Variants in PKHD1 observed in about 807,000 individuals in gnomAD.
PKHD1 encodes the protein PKHD1 ciliary IPT domain containing fibrocystin/polyductin.
In PKHD1, 291 loss-of-function variants were observed where a neutral mutation model predicts 412.0. The observed-to-expected ratio is 0.71, with a 90% CI of 0.64 to 0.78. The LOEUF (loss-of-function observed/expected upper bound fraction) is 0.78, where lower values mean the gene tolerates loss of function less well. Among genes scored for constraint, PKHD1 ranks in the 30% least tolerant of loss-of-function variants. The pLI is 0.00. For synonymous variants in PKHD1, 1,777 were observed against 1,821.5 expected (o/e 0.98, Z 0.62); for missense variants, 4,825 against 4,950.7 (o/e 0.97, Z 0.76).
intron 43 of PKHD1, among the ~76,000 whole-genome samples, chr6:51,896,000 C>T (rs1268882320): frequency 2.0e-5 from 3 of 152,178 alleles, no homozygotes; most frequent in African/African-American, 4.8e-5. Flanking sequence ...TATCCCGCAC[C>T]TGGCTCGGAG....
intron 60 of PKHD1, among the ~76,000 whole-genome samples, chr6:51,670,804 T>C (rs1023727713): frequency 6.6e-6 from 1 of 150,812 alleles, no homozygotes; most frequent in African/African-American, 2.4e-5. Context: ...CCTTCACTGA[T>C]GAAGCTTAGT....
At chr6:51,753,377 A>G in intron 56 of PKHD1, 24 bp from the exon 57 acceptor site, 1 of 1,608,938 alleles carries the variant, frequency 6.2e-7, no homozygotes, top group Non-Finnish European at 8.5e-7. Context: ...AGTTGTGGGA[A>G]AAAAAAACTT....
chr6:51,792,367 A>G (rs1382040313), intron 52 of PKHD1, among the ~76,000 whole-genome samples: 1 of 152,226 alleles, frequency 6.6e-6, no homozygotes, highest in African/African-American at 2.4e-5. Flanking sequence ...TTCTTTTGTT[A>G]GTATAATCTC....
At chr6:52,073,593 T>C (rs1391662111) in intron 6 of PKHD1, 52 bp from the exon 7 acceptor site, 2 of 1,049,870 alleles carry the variant, frequency 1.9e-6, no homozygotes, top group Non-Finnish European at 3.0e-6. Context: ...AAACTCAATG[T>C]ATAATAAAAA....
chr6:51,701,136 TG>T (rs1562127469), intron 60 of PKHD1, among the ~76,000 whole-genome samples: 1 of 152,150 alleles, frequency 6.6e-6, no homozygotes, highest in African/African-American at 2.4e-5. Context: ...ATATAAATTT[TG>T]AATAACTAAA....
At chr6:51,635,876 C>CGGGGGGGGTGTGGGGG (rs1581768607) in intron 64 of PKHD1, among the ~76,000 whole-genome samples, 1 of 41,506 alleles carries the variant, frequency 2.4e-5, no homozygotes, top group Non-Finnish European at 5.3e-5. Context: ...GGCGGGGGGC[C>CGGGGGGGGTGTGGGGG]GGGGGCGGAT....
At chr6:51,804,360 G>GT (rs1763391379) in intron 52 of PKHD1, among the ~76,000 whole-genome samples, 1 of 25,034 alleles carries the variant, frequency 4.0e-5, no homozygotes, top group South Asian at 1.5e-3. Flanking sequence ...CTAATTCATT[G>GT]GGGGGGGGGG....
chr6:51,886,991 C>G lies in PKHD1; in HGVS notation c.7109+142G>C, dbSNP rs1778310580. 4 of 697,378 alleles carry G rather than the reference C, an allele frequency of 5.7e-6. No individual in the cohort carries two copies. The Admixed American group carries it at 6.2e-5, about 11-fold the overall frequency. The allele number at this position is 697,378 out of a possible 1,614,324, so 43.2% of individuals were successfully genotyped here. On this transcript the variant is annotated intron_variant, in intron 44 of 66. Transcript: ENST00000371117. ...ACAGCTTTTTGTATGTCAATTATAC[C>G]TCAAAAAAGCAGTTTCAGAAAATGC...
intron 46 of PKHD1, among the ~76,000 whole-genome samples, chr6:51,877,307 A>G (rs1420443476): frequency 1.4e-5 from 1 of 72,610 alleles, no homozygotes; most frequent in Non-Finnish European, 2.3e-5. Context: ...TCAACAGAGT[A>G]TACATTTTTT....
At chr6:51,664,714 T>C (rs950625631) in intron 60 of PKHD1, among the ~76,000 whole-genome samples, 3 of 152,190 alleles carry the variant, frequency 2.0e-5, no homozygotes, top group African/African-American at 7.2e-5. Flanking sequence ...TATTTGCTTG[T>C]TTAAACTTAG....
intron 36 of PKHD1, among the ~76,000 whole-genome samples, chr6:51,950,220 A>AAAAAAAAAAAAAAATATATATATAT: frequency 3.1e-5 from 3 of 98,298 alleles, no homozygotes; most frequent in African/African-American, 1.1e-4. Flanking sequence ...GAAAAAAAAA[A>AAAAAAAAAAAAAAATATATATATAT]ATATATATAT....
chr6:52,022,858 G>C lies in PKHD1; in HGVS notation c.5323C>G (p.Arg1775Gly). ...VSAAVCGAPC[R>G]VLANATVSAF... ...GACACTGTAGCATTAGCCAGGACTC[G>C]GCAGGGAGCACCACACACAGCAGCT... is the stretch of plus-strand genomic sequence containing the variant. The change falls in exon 33 of 67, where the codon CGA becomes GGA. Residue 1775 changes from arginine to glycine, a missense_variant. Arg to Gly is a moderately radical substitution (Grantham distance 125). Transcript: ENST00000371117. The C allele has an allele frequency of 6.2e-7, 1 of 1,614,062 alleles. No homozygotes were observed. The highest frequency in any genetic ancestry group is 1.1e-5 in the South Asian group (1 of 91,074).
In PKHD1 at chr6:51,960,039, G is replaced by T. The variant is rs367792594; in HGVS notation, c.5752-13C>A. On this transcript the variant is annotated splice_polypyrimidine_tract_variant and intron_variant, in intron 35 of 66. Transcript: ENST00000371117. Reference sequence around the variant, plus strand: ...AAGAAAAGTTGCCCTGGAAAACAGAGAGCTGGGTTGGTGGGTTGGTTGGTT... The same window carrying T: ...AAGAAAAGTTGCCCTGGAAAACAGATAGCTGGGTTGGTGGGTTGGTTGGTT... 3.7e-6 allele frequency: 6 copies of T among 1,613,052 alleles called. No homozygotes were observed. The highest frequency in any genetic ancestry group is 1.3e-5 in the African/African-American group (1 of 74,970).
At chr6:52,041,422 T>C (rs1804869833) in intron 27 of PKHD1, among the ~76,000 whole-genome samples, 1 of 152,170 alleles carries the variant, frequency 6.6e-6, no homozygotes. Context: ...AGGACCACAC[T>C]TTAAGGACCA....
chr6:51,993,379 G>A (rs1189098732), intron 35 of PKHD1, among the ~76,000 whole-genome samples: 1 of 152,254 alleles, frequency 6.6e-6, no homozygotes, highest in Non-Finnish European at 1.5e-5. Flanking sequence ...AGAGGTGGAA[G>A]TGGACAGGTA....
At chr6:51,778,964 G>A (rs187622641) in intron 53 of PKHD1, among the ~76,000 whole-genome samples, 6 of 152,056 alleles carry the variant, frequency 3.9e-5, no homozygotes, top group South Asian at 2.1e-4. Context: ...TGGCTCCACC[G>A]TAATTTATTC....
intron 51 of PKHD1, among the ~76,000 whole-genome samples, chr6:51,834,288 G>A (rs1203607144): frequency 6.6e-6 from 1 of 152,146 alleles, no homozygotes; most frequent in African/African-American, 2.4e-5. Flanking sequence ...AGTTAACTTT[G>A]AACAAGACTA....
At chr6:51,689,599 T>C (rs1473098682) in intron 60 of PKHD1, among the ~76,000 whole-genome samples, 2 of 152,200 alleles carry the variant, frequency 1.3e-5, no homozygotes, top group African/African-American at 2.4e-5. Flanking sequence ...GAAAACCCCA[T>C]AGTCTCAGCC....
intron 56 of PKHD1, among the ~76,000 whole-genome samples, chr6:51,754,514 T>G (rs995277396): frequency 3.9e-5 from 6 of 152,318 alleles, no homozygotes; most frequent in African/African-American, 1.4e-4. Context: ...TCTCAACCCT[T>G]CTGCTCTTAG....
Sources: allele counts gnomAD v4.1 joint callset (sites outside exome capture counted in the v4.1 genomes callset), GRCh38; gene constraint gnomAD v4.1.1; transcripts MANE v1.5; gene names NCBI Gene and HGNC (gene_info 2026-07-23, HGNC 2026-07-21).